Variants in IQSEC2 observed in about 807,000 individuals in gnomAD.
IQSEC2 encodes the protein IQ motif and Sec7 domain ArfGEF 2, also known as IQ motif and SEC7 domain-containing protein 2.
In IQSEC2, 6 loss-of-function variants were observed where a neutral mutation model predicts 74.6. The observed-to-expected ratio is 0.08, with a 90% confidence interval of 0.04 to 0.16. IQSEC2 has a LOEUF of 0.16. IQSEC2 is among the 10% of genes least tolerant of loss of function. The probability of loss-of-function intolerance (pLI) is 1.00; values close to 1 mark genes in which losing one functional copy is unlikely to be tolerated. For synonymous variants in IQSEC2, 494 were observed against 544.5 expected, an observed-to-expected ratio of 0.91 and a Z score of 1.29; for missense variants, 734 against 1,306.2, an observed-to-expected ratio of 0.56 and a Z score of 6.75.
chrX:53,275,728 CTTTTTTT>C (rs1219701474), intron 2 of IQSEC2, among the ~76,000 whole-genome samples: 1 of 81,705 alleles, frequency 1.2e-5, no homozygotes, highest in Non-Finnish European at 2.3e-5. Flanking sequence ...TGCCCTCATT[CTTTTTTT>C]TTTTTTTTTT....
At chrX:53,307,919 G>T (rs1260532460) in intron 1 of IQSEC2, among the ~76,000 whole-genome samples, 1 of 107,096 alleles carries the variant, frequency 9.3e-6, no homozygotes, top group Admixed American at 1.0e-4. Flanking sequence ...GGGCACGGCG[G>T]CTCATGCCTA....
chrX:53,230,100 C>T (rs1230509174), downstream of IQSEC2: 1 of 112,394 alleles, frequency 8.9e-6, no homozygotes, highest in Non-Finnish European at 1.9e-5. Flanking sequence ...ATCTCCAGGC[C>T]TTTTCATGCG....
At chrX:53,298,873 T>C in intron 1 of IQSEC2, among the ~76,000 whole-genome samples, 1 of 111,626 alleles carries the variant, frequency 9.0e-6, no homozygotes, top group East Asian at 2.8e-4. Flanking sequence ...TATTTTTAAT[T>C]TCCCAGGTTT....
chrX:53,245,944 C>A (rs1277651719), intron 8 of IQSEC2, among the ~76,000 whole-genome samples: 1 of 106,196 alleles, frequency 9.4e-6, no homozygotes, highest in Admixed American at 1.0e-4. Context: ...CTCACTGCAA[C>A]CTCTACCTCC....
intron 2 of IQSEC2, among the ~76,000 whole-genome samples, chrX:53,278,003 C>CTTTTTTT (rs36027805): frequency 0.011 from 429 of 37,533 alleles, 1 homozygote; most frequent in Middle Eastern, 0.045. Context: ...TTTTCTTTTT[C>CTTTTTTT]TTTTTTTTTT....
intron 2 of IQSEC2, among the ~76,000 whole-genome samples, chrX:53,267,951 G>A (rs1556868018): frequency 8.9e-6 from 1 of 112,138 alleles, no homozygotes; most frequent in African/African-American, 3.3e-5. Flanking sequence ...CAAAGTGGCC[G>A]TCTGCCCACA....
chrX:53,291,243 G>C, intron 2 of IQSEC2, among the ~76,000 whole-genome samples: 1 of 111,343 alleles, frequency 9.0e-6, no homozygotes. Flanking sequence ...CTTTACCCAA[G>C]TTTTACTCCT....
Position 53,255,973 on chromosome X carries a change from G to C in IQSEC2, c.826C>G (p.Pro276Ala). 1 of 1,192,558 alleles carries C rather than the reference G, an allele frequency of 8.4e-7. No individual in the cohort carries two copies. The highest frequency in any genetic ancestry group is 1.1e-6 in the Non-Finnish European group (1 of 884,173). ...GGGCCCCCCATGTGGCTGCTGGAGG[G>C]GGGCAGCTGGCTCAGCCGGTAGGGG... is the stretch of plus-strand genomic sequence containing the variant. ...QPPYRLSQLP[P>A]SSSHMGGPPA... Residue 276 changes from proline to alanine, a missense_variant, in exon 3 of 15, where the codon CCC (proline) becomes GCC (alanine). By Grantham distance (27) the Pro-to-Ala change is conservative. This residue lies in a region of IQSEC2 where 54 missense variants were observed against 62.1 expected (regional missense o/e 0.87). Coordinates refer to ENST00000642864, the MANE Select transcript of IQSEC2 (RefSeq NM_001111125.3).
At chrX:53,286,040 T>C (rs144317692) in intron 2 of IQSEC2, among the ~76,000 whole-genome samples, 1,280 of 112,543 alleles carry the variant, frequency 0.011, 14 homozygotes, top group African/African-American at 0.039. Context: ...CTTGTAATTA[T>C]ATACTGGAGG....
At chrX:53,280,413 C>T (rs925841231) in intron 2 of IQSEC2, among the ~76,000 whole-genome samples, 2 of 110,396 alleles carry the variant, frequency 1.8e-5, no homozygotes, top group Non-Finnish European at 3.8e-5. Context: ...AAGAGGAAGA[C>T]AGAGAAAGGG....
At chrX:53,305,048 A>G (rs1429896959) in intron 1 of IQSEC2, among the ~76,000 whole-genome samples, 1 of 109,668 alleles carries the variant, frequency 9.1e-6, no homozygotes, top group African/African-American at 3.3e-5. Flanking sequence ...CCTCCCGAGT[A>G]GCTGGGATTA....
In IQSEC2 at chrX:53,274,000, G is replaced by T. The variant is rs1275515106; in HGVS notation, c.737+17895C>A. On this transcript the variant is annotated intron_variant, in intron 2 of 14. Coordinates refer to ENST00000642864, the MANE Select transcript of IQSEC2 (RefSeq NM_001111125.3). The stretch of plus-strand genomic sequence containing the variant: ...CATTTTGTTTAAAGTGCACATAAAA[G>T]TTATTTCCGTTACTTTAACATGTTT... Among the ~76,000 whole-genome samples the T allele has an allele frequency of 2.7e-5, 3 of 112,743 alleles. No homozygotes were observed. In the East Asian group the frequency reaches 8.3e-4, roughly 31 times the overall value.
At chrX:53,235,938 C>A in intron 13 of IQSEC2, 106 bp from the exon 14 acceptor site, 2 of 741,686 alleles carry the variant, frequency 2.7e-6, no homozygotes, top group South Asian at 5.6e-5. Context: ...GGGACAGACA[C>A]CCCATTATCC....
chrX:53,320,498 G>A lies in IQSEC2; in HGVS notation c.626C>T (p.Ala209Val), dbSNP rs782237919. 14 of 1,164,158 alleles carry A rather than the reference G, an allele frequency of 1.2e-5. No homozygotes were observed. Among genetic ancestry groups the A allele is most frequent in the Non-Finnish European group, 1.5e-5 (13 of 871,762 alleles). ...PRERGQLSRG[A>V]SRSSSPGAGG... is the part of the protein sequence containing the mutation. ...GGCGCCGGGACTGGAGCTCCTGGAT[G>A]CGCCACGGCTCAGCTGGCCCCGCTC... is the stretch of plus-strand genomic sequence containing the variant. The change falls in exon 1 of 15, where the codon GCA (alanine) becomes GTA (valine). Residue 209 changes from alanine (A) to valine (V), a missense_variant. By Grantham distance (64) the Ala-to-Val change is moderately conservative. Coordinates refer to ENST00000642864, the MANE Select transcript of IQSEC2 (RefSeq NM_001111125.3).
At position 53,250,874 on chromosome X, in the gene IQSEC2, G is replaced by A. The variant is rs782411974; in HGVS notation, c.1702C>T (p.Arg568Cys). Residue 568 changes from arginine to cysteine, a missense_variant, in exon 5 of 15, where the codon CGT becomes TGT. Physicochemically the swap from Arg to Cys is radical, Grantham distance 180. Coordinates refer to ENST00000642864, the MANE Select transcript of IQSEC2 (RefSeq NM_001111125.3). ...GGACCCCTGCGAGTGCCTTCCTCAC[G>A]GCTACCGTCTTCCCGGGTTCCTGAT... is the stretch of plus-strand genomic sequence containing the variant. ...VPSGTREDGS[R>C]EEGTRRGPGC... The A allele has an allele frequency of 5.0e-6, 6 of 1,208,509 alleles. No individual in the cohort carries two copies. Among genetic ancestry groups the A allele is most frequent in the Admixed American group, 4.4e-5 (2 of 45,889 alleles).
chrX:53,243,257 G>T, intron 9 of IQSEC2, 75 bp downstream of exon 9: 1 of 904,710 alleles, frequency 1.1e-6, no homozygotes, highest in Non-Finnish European at 1.6e-6. Flanking sequence ...GGCTCAGGGA[G>T]GTGCAGTGAC....
intron 1 of IQSEC2, among the ~76,000 whole-genome samples, chrX:53,303,429 G>C (rs782153844): frequency 2.4e-4 from 27 of 111,286 alleles, no homozygotes; most frequent in African/African-American, 8.2e-4. Flanking sequence ...ACTTGTGACA[G>C]CGAGGAAGGA....
At position 53,290,089 on chromosome X, in the gene IQSEC2, G is replaced by A. The variant is rs189404002; in HGVS notation, c.737+1806C>T. Among the ~76,000 whole-genome samples the A allele has an allele frequency of 3.2e-4, 36 of 111,460 alleles. 1 individual carries two copies. The highest frequency in any genetic ancestry group is 2.6e-3 in the Admixed American group (27 of 10,491). ...GGTATGGGTAGCACTCTGGGTTGGC[G>A]CCAGGCAGACTTGGGTTTGAATCCT... On this transcript the variant is annotated intron_variant, in intron 2 of 14. Coordinates refer to ENST00000642864, the MANE Select transcript of IQSEC2 (RefSeq NM_001111125.3).
chrX:53,243,380 A>G lies in IQSEC2; in HGVS notation c.2841T>C (p.His947=). ...GCTCCACAGCCTGCACCTGGGACAC[A>G]TGGTCATCGTTGGTCCGCAGTTCAC... ...QGRELRTNDD[H]VSQVQAVERM... Residue 947 remains histidine, a synonymous_variant, in exon 9 of 15, where the codon CAT becomes CAC. Coordinates refer to ENST00000642864, the MANE Select transcript of IQSEC2 (RefSeq NM_001111125.3). 1 of 1,166,864 alleles carries G rather than the reference A, an allele frequency of 8.6e-7. No homozygotes were observed.
Sources: gnomAD v4.1 joint callset for allele counts (sites outside exome capture counted in the v4.1 genomes callset) on GRCh38, gnomAD v4.1.1 for gene constraint, gnomAD v4.1.1 regional missense constraint, MANE v1.5 for transcripts, NCBI Gene and HGNC (gene_info 2026-07-23, HGNC 2026-07-21) for gene names.